The following LARP1 variants were observed in gnomAD, a reference collection of about 807,000 sequenced individuals.
LARP1 encodes the protein La ribonucleoprotein 1, translational regulator, also known as la-related protein 1.
Under a neutral mutation model 122.7 loss-of-function variants are expected in LARP1, and 36 were observed. The ratio of observed to expected loss-of-function variants is 0.29; its 90% CI spans 0.22 to 0.39. The LOEUF (loss-of-function observed/expected upper bound fraction) is 0.39. Among genes scored for constraint, LARP1 ranks in the 10% least tolerant of loss-of-function variants. LARP1 has a pLI of 1.00. For synonymous variants in LARP1, 539 were observed against 528.7 expected (o/e 1.02, Z -0.27); for missense variants, 1,040 against 1,403.6 (o/e 0.74, Z 4.14).
At position 154,802,156 on chromosome 5, in the gene LARP1, C is replaced by T. The variant is rs1420294718; in HGVS notation, c.1866C>T (p.Thr622=). 6.2e-7 allele frequency: 1 copy of T among 1,614,188 alleles called. No individual in the cohort carries two copies. The highest frequency in any genetic ancestry group is 1.1e-5 in the South Asian group (1 of 91,076). ...AGCAGATGGATGGGCGGAAGAACACCTTCACTGCCTGGTCTGATGAGGAAT... is the reference window on the plus strand; with the variant it reads ...AGCAGATGGATGGGCGGAAGAACACTTTCACTGCCTGGTCTGATGAGGAAT... ...EMEQMDGRKN[T]FTAWSDEESD... is the part of the protein sequence containing the mutation. The change falls in exon 11 of 19, where the codon ACC becomes ACT. Residue 622 remains threonine (T), a synonymous_variant. Transcript: ENST00000518297. This position sits in a 1 kb window ranked among gnomAD's most constrained non-coding sequence, Gnocchi z 5.1.
At chr5:154,768,738 T>A (rs1284904266) in intron 1 of LARP1, among the ~76,000 whole-genome samples, 1 of 152,078 alleles carries the variant, frequency 6.6e-6, no homozygotes, top group Non-Finnish European at 1.5e-5. Context: ...CGCGCCACCA[T>A]GCCCGGCTAA....
upstream of LARP1, among the ~76,000 whole-genome samples, chr5:154,751,205 G>A (rs1351762129): frequency 6.6e-6 from 1 of 152,300 alleles, no homozygotes; most frequent in South Asian, 2.1e-4. Flanking sequence ...GGTGCAGTGA[G>A]TAAGAATAAG....
chr5:154,793,532 G>A (rs926658729), intron 4 of LARP1, 63 bp from the exon 5 acceptor site: 1 of 1,607,800 alleles, frequency 6.2e-7, no homozygotes, highest in Non-Finnish European at 8.5e-7. Context: ...GAGGAGTTGG[G>A]TAGAGCTGGC....
chr5:154,747,795 C>T (rs1753278136), intron 1 of LARP1, among the ~76,000 whole-genome samples: 1 of 151,598 alleles, frequency 6.6e-6, no homozygotes, highest in Admixed American at 6.6e-5. Context: ...ACCAGGGAGG[C>T]GGAGACTGCA....
rs1038071844 is a variant in LARP1 at position 154,755,701 on chromosome 5, G to C, written c.-57G>C. 4.6e-5 allele frequency: 45 copies of C among 987,886 alleles called. No homozygotes were observed. The highest frequency in any genetic ancestry group is 5.4e-5 in the Non-Finnish European group (45 of 830,398). The allele number at this position is 987,886 out of a possible 1,614,324, so 61.2% of individuals were successfully genotyped here. On this transcript the variant is annotated 5_prime_UTR_variant, in exon 1 of 19. Transcript: ENST00000518297. ...CGCGGGCGCTCTGCTAGCCAAGTTC[G>C]AGGCGGGGGAGGCAGCCTCGGGCGC...
chr5:154,793,085 A>G (rs895732729), intron 4 of LARP1, among the ~76,000 whole-genome samples: 1 of 152,160 alleles, frequency 6.6e-6, no homozygotes, highest in Non-Finnish European at 1.5e-5. Flanking sequence ...GTGTAAATAC[A>G]CCAGGCCTGG....
intron 1 of LARP1, among the ~76,000 whole-genome samples, chr5:154,687,881 G>A (rs1405775999): frequency 6.6e-6 from 1 of 152,188 alleles, no homozygotes; most frequent in Non-Finnish European, 1.5e-5. Context: ...GGTGAATCCT[G>A]CAGGTTTTTG....
intron 1 of LARP1, among the ~76,000 whole-genome samples, chr5:154,738,747 C>T (rs1757054534): frequency 6.6e-6 from 1 of 151,982 alleles, no homozygotes; most frequent in East Asian, 1.9e-4. Flanking sequence ...CACAGATGTA[C>T]CATTTTACCA....
chr5:154,790,030 C>T (rs39615), intron 1 of LARP1, among the ~76,000 whole-genome samples: 4,097 of 152,286 alleles, frequency 0.027, 65 homozygotes, highest in African/African-American at 0.041. Context: ...GTCTCTGTTA[C>T]GGAACTGTAC....
At chr5:154,795,754 A>G (rs903275081) in intron 8 of LARP1, among the ~76,000 whole-genome samples, 2 of 147,514 alleles carry the variant, frequency 1.4e-5, no homozygotes, top group Non-Finnish European at 3.0e-5. Flanking sequence ...ACAGTTTAAC[A>G]TATTAACAGT....
chr5:154,766,671 C>T (rs1754981113), intron 1 of LARP1, among the ~76,000 whole-genome samples: 2 of 152,146 alleles, frequency 1.3e-5, no homozygotes, highest in South Asian at 4.1e-4. Context: ...GGCAGTCGGC[C>T]CCCTTCTCCT....
chr5:154,782,055 T>C (rs1209504749), intron 1 of LARP1, among the ~76,000 whole-genome samples: 1 of 152,176 alleles, frequency 6.6e-6, no homozygotes, highest in African/African-American at 2.4e-5. Context: ...GAATTTATAT[T>C]GAGATCTATG....
At chr5:154,741,412 C>T (rs139063864) in intron 1 of LARP1, among the ~76,000 whole-genome samples, 253 of 152,264 alleles carry the variant, frequency 1.7e-3, no homozygotes, top group African/African-American at 5.9e-3. Context: ...GGAGCTTGCA[C>T]GTTAGTGGAG....
intron 3 of LARP1, chr5:154,791,934 C>T (rs1277239032): frequency 2.2e-6 from 1 of 455,580 alleles, no homozygotes; most frequent in Non-Finnish European, 4.4e-6. Flanking sequence ...TTTTATAATC[C>T]CCATTTTACA....
upstream of LARP1, among the ~76,000 whole-genome samples, chr5:154,751,873 A>G (rs1371858931): frequency 1.3e-5 from 2 of 152,214 alleles, no homozygotes; most frequent in Admixed American, 6.5e-5. Flanking sequence ...GCACTGGGAT[A>G]AGGGAGGATG....
intron 1 of LARP1, among the ~76,000 whole-genome samples, chr5:154,716,641 G>T (rs759599525): frequency 9.9e-5 from 15 of 152,190 alleles, no homozygotes; most frequent in Admixed American, 2.6e-4. Context: ...TAGAGATGGG[G>T]TTTCACCATG....
At chr5:154,791,364 C>T (rs1398945290) in intron 3 of LARP1, among the ~76,000 whole-genome samples, 2 of 152,004 alleles carry the variant, frequency 1.3e-5, no homozygotes, top group Non-Finnish European at 2.9e-5. Flanking sequence ...CAGGCACCCA[C>T]CATCATGCCT....
chr5:154,811,401 C>T (rs770921008), intron 17 of LARP1, 45 bp downstream of exon 17: 7 of 1,607,558 alleles, frequency 4.4e-6, no homozygotes, highest in Non-Finnish European at 1.7e-6. Context: ...TCATGTAGGC[C>T]TCCTCTTCCC....
At position 154,783,202 on chromosome 5, in the gene LARP1, C is replaced by CT. The variant is rs149223277; in HGVS notation, c.437-7122dup. 1.8e-3 allele frequency among the ~76,000 whole-genome samples: 274 copies of CT among 152,318 alleles called. 4 individuals are homozygous for CT. In the East Asian group the frequency reaches 0.024, roughly 13 times the overall value. ...GAGGGTGGGGCACAATCCATGTCAG[C>CT]TGGATCCCCCTGAGCAGCCTCTGGG... On this transcript the variant is annotated intron_variant, in intron 1 of 18. Transcript: ENST00000518297.
Sources: allele counts gnomAD v4.1 joint callset (sites outside exome capture counted in the v4.1 genomes callset), GRCh38; gene constraint gnomAD v4.1.1; non-coding constraint Gnocchi (gnomAD v3.1); transcripts MANE v1.5; gene names NCBI Gene and HGNC (gene_info 2026-07-23, HGNC 2026-07-21).